ANKRD30B: variants seen among roughly 807,000 people sequenced by gnomAD.
ANKRD30B encodes ankyrin repeat domain 30B, also known as ankyrin repeat domain-containing protein 30B.
ANKRD30B carries 144 observed loss-of-function variants against 202.2 expected under a neutral mutation model. The observed-to-expected ratio is 0.71, with a 90% CI of 0.62 to 0.82. The LOEUF (loss-of-function observed/expected upper bound fraction) is 0.82, where lower values mean the gene tolerates loss of function less well. ANKRD30B is among the 40% of genes least tolerant of loss of function. The probability of loss-of-function intolerance (pLI) is 0.00; values close to 1 mark genes in which losing one functional copy is unlikely to be tolerated. For missense variants in ANKRD30B, 1,487 were observed against 1,669.1 expected (o/e 0.89, Z 1.90); for synonymous variants, 508 against 561.3 (o/e 0.91, Z 1.34).
the ANKRD30B span, among the ~76,000 whole-genome samples, chr18:14,893,761 A>G: frequency 6.6e-6 from 1 of 151,742 alleles, no homozygotes; most frequent in Non-Finnish European, 1.5e-5. Flanking sequence ...CTTTTTGTCT[A>G]CAGTGTATCC....
chr18:14,797,722 A>C, intron 19 of ANKRD30B, 33 bp downstream of exon 19: 2 of 1,607,868 alleles, frequency 1.2e-6, no homozygotes, highest in Non-Finnish European at 1.7e-6. Context: ...CTTGAATATT[A>C]ACTACATATT....
At chr18:14,871,467 A>G in the ANKRD30B span, among the ~76,000 whole-genome samples, 1 of 151,074 alleles carries the variant, frequency 6.6e-6, no homozygotes, top group Non-Finnish European at 1.5e-5. Context: ...CAAAGAATGC[A>G]CCAGAGGGGA....
chr18:14,780,300 T>C (rs1967639492), intron 11 of ANKRD30B, among the ~76,000 whole-genome samples: 1 of 151,944 alleles, frequency 6.6e-6, no homozygotes, highest in Admixed American at 6.6e-5. Context: ...ACAAAATTAG[T>C]TGGATGTGGT....
chr18:14,791,491 G>A lies in ANKRD30B; in HGVS notation c.1825G>A (p.Glu609Lys), dbSNP rs267605124. Residue 609 changes from glutamate to lysine, a missense_variant and splice_region_variant, in exon 16 of 44, where the codon GAG becomes AAG. Around this residue, in one of 6 missense-constraint regions of ANKRD30B, gnomAD observed 889 missense variants for 841.4 expected, o/e 1.06. Transcript: ENST00000690538. Reference sequence around the variant, plus strand: ...CGATACCTTAAGTGGAAAATTAGAAGGTAAGAACCATTTTTTAATTAAAAA... The same window carrying A: ...CGATACCTTAAGTGGAAAATTAGAAAGTAAGAACCATTTTTTAATTAAAAA... The part of the protein sequence containing the change: ...EFDTLSGKLE[E>K]SPVKDGLLKP... The A allele has an allele frequency of 1.2e-6, 2 of 1,601,614 alleles. No homozygotes were observed. The highest frequency in any genetic ancestry group is 1.7e-6 in the Non-Finnish European group (2 of 1,174,348).
chr18:14,860,369 C>A, the ANKRD30B span, among the ~76,000 whole-genome samples: 4 of 111,774 alleles, frequency 3.6e-5, no homozygotes, highest in Admixed American at 9.3e-5. Context: ...CAGAGGCGCT[C>A]CTCACTTCCC....
chr18:14,797,544 T>G, intron 18 of ANKRD30B, 117 bp from the exon 19 acceptor site: 1 of 1,194,234 alleles, frequency 8.4e-7, no homozygotes, highest in Non-Finnish European at 1.2e-6. Flanking sequence ...CAAAACCTAG[T>G]GTAATCCCTT....
At chr18:14,893,613 C>CAA in the ANKRD30B span, among the ~76,000 whole-genome samples, 11 of 126,944 alleles carry the variant, frequency 8.7e-5, no homozygotes, top group South Asian at 4.8e-4. Flanking sequence ...CTCCATCTCA[C>CAA]AAAAAAAAAA....
Position 14,809,432 on chromosome 18 carries a change from C to G in ANKRD30B, c.2387-554C>G, listed in dbSNP as rs569231063. ...ATGTGAAGCTAGACAACTGGTTAGA[C>G]CAGAAATTCTCAGAAGGGAGTATGC... On this transcript the variant is annotated intron_variant, in intron 26 of 43. Transcript: ENST00000690538. 1.4e-3 allele frequency among the ~76,000 whole-genome samples: 213 copies of G among 150,902 alleles called. 7 individuals are homozygous for G. The highest frequency in any genetic ancestry group is 2.1e-3 in the Non-Finnish European group (141 of 67,724).
At chr18:14,764,868 T>A (rs180742624) in intron 7 of ANKRD30B, among the ~76,000 whole-genome samples, 18 of 152,344 alleles carry the variant, frequency 1.2e-4, no homozygotes, top group Admixed American at 9.8e-4. Context: ...CACATGCTCA[T>A]TTCTAAGCCA....
intron 30 of ANKRD30B, among the ~76,000 whole-genome samples, chr18:14,817,620 T>C (rs1222617647): frequency 6.6e-6 from 1 of 152,212 alleles, no homozygotes; most frequent in Admixed American, 6.5e-5. Flanking sequence ...TAAAGGAAAA[T>C]ATTTTGGTTA....
chr18:14,860,343 A>G, the ANKRD30B span, among the ~76,000 whole-genome samples: 5 of 113,052 alleles, frequency 4.4e-5, no homozygotes, highest in South Asian at 6.9e-4. Context: ...CTCACTTCCC[A>G]GACAGGGCTG....
At chr18:14,912,303 GT>G in the ANKRD30B span, among the ~76,000 whole-genome samples, 1 of 152,038 alleles carries the variant, frequency 6.6e-6, no homozygotes, top group Non-Finnish European at 1.5e-5. Flanking sequence ...TCTATGCCTA[GT>G]TTTTTTGAGG....
chr18:14,830,912 G>T (rs919142595), intron 33 of ANKRD30B, among the ~76,000 whole-genome samples: 1 of 152,168 alleles, frequency 6.6e-6, no homozygotes, highest in African/African-American at 2.4e-5. Context: ...GCCGGGCGCG[G>T]TGGCTCACGC....
chr18:14,892,525 G>A, the ANKRD30B span, among the ~76,000 whole-genome samples: 1 of 151,980 alleles, frequency 6.6e-6, no homozygotes, highest in Non-Finnish European at 1.5e-5. Flanking sequence ...GATCACTTGA[G>A]GTCAGGAGTT....
At chr18:14,906,910 T>TA in the ANKRD30B span, among the ~76,000 whole-genome samples, 1 of 36,074 alleles carries the variant, frequency 2.8e-5, no homozygotes, top group Non-Finnish European at 5.2e-5. Context: ...GTGAGGAGGG[T>TA]GGGGGGTTGG....
chr18:14,780,066 T>C lies in ANKRD30B; in HGVS notation c.1482+45T>C, dbSNP rs754507845. 19 of 1,475,646 alleles carry C rather than the reference T, an allele frequency of 1.3e-5. No homozygotes were observed. The South Asian group carries it at 1.9e-4, about 15-fold the overall frequency. The allele number at this position is 1,475,646 out of a possible 1,614,324, so 91.4% of individuals were successfully genotyped here. On this transcript the variant is annotated intron_variant, in intron 11 of 43. Transcript: ENST00000690538. ...TTATTATTCTCTAAAAATATTAATA[T>C]TGAGTGATGTGAAAATGCAAAATCA...
chr18:14,896,979 A>C, the ANKRD30B span, among the ~76,000 whole-genome samples: 3 of 150,920 alleles, frequency 2.0e-5, no homozygotes, highest in Admixed American at 2.0e-4. Flanking sequence ...AAAAAAAAAA[A>C]AACAGGAAAA....
intron 14 of ANKRD30B, among the ~76,000 whole-genome samples, chr18:14,785,994 C>T (rs1364953022): frequency 1.5e-5 from 2 of 131,400 alleles, no homozygotes; most frequent in African/African-American, 5.6e-5. Context: ...GCCGAGATTG[C>T]GCCACTGCAG....
chr18:14,768,647 A>T (rs1332359221), intron 7 of ANKRD30B, among the ~76,000 whole-genome samples: 3 of 152,202 alleles, frequency 2.0e-5, no homozygotes, highest in Non-Finnish European at 4.4e-5. Flanking sequence ...TGGTCACAGA[A>T]GTCTTCTGTT....
Sources: gnomAD v4.1 joint callset for allele counts (sites outside exome capture counted in the v4.1 genomes callset) on GRCh38, gnomAD v4.1.1 for gene constraint, gnomAD v4.1.1 regional missense constraint, MANE v1.5 for transcripts, NCBI Gene and HGNC (gene_info 2026-07-23, HGNC 2026-07-21) for gene names.